The following CSNK1G1 variants were observed in gnomAD, a reference collection of about 807,000 sequenced individuals.
CSNK1G1 encodes casein kinase I isoform gamma-1.
CSNK1G1 carries 22 observed loss-of-function variants against 59.6 expected under a neutral mutation model. That is an observed-to-expected ratio of 0.37 (90% CI 0.26 to 0.53). CSNK1G1 has a LOEUF of 0.53. Ranked by LOEUF, CSNK1G1 falls within the 20% of genes least tolerant of loss-of-function variation. CSNK1G1 has a pLI of 0.89. For synonymous variants in CSNK1G1, 179 were observed against 177.1 expected (o/e 1.01, Z -0.08); for missense variants, 384 against 519.5 (o/e 0.74, Z 2.54).
At chr15:64,327,312 C>T (rs940140060) in intron 1 of CSNK1G1, among the ~76,000 whole-genome samples, 8 of 148,534 alleles carry the variant, frequency 5.4e-5, no homozygotes, top group South Asian at 4.3e-4. Flanking sequence ...TCTCCCAGCA[C>T]GCAGCTGGAG....
intron 1 of CSNK1G1, among the ~76,000 whole-genome samples, chr15:64,320,555 T>C (rs1896504226): frequency 6.6e-6 from 1 of 151,722 alleles, no homozygotes; most frequent in African/African-American, 2.4e-5. Flanking sequence ...GGCAAGTGCC[T>C]GTAATCCCAG....
At chr15:64,314,058 C>G (rs1182452201) in intron 1 of CSNK1G1, among the ~76,000 whole-genome samples, 1 of 152,064 alleles carries the variant, frequency 6.6e-6, no homozygotes, top group Non-Finnish European at 1.5e-5. Context: ...TGCTACATAT[C>G]AAAGATCTGC....
chr15:64,321,860 T>C (rs1344435757), intron 1 of CSNK1G1, among the ~76,000 whole-genome samples: 1 of 152,242 alleles, frequency 6.6e-6, no homozygotes, highest in Non-Finnish European at 1.5e-5. Context: ...GTTACAGTTA[T>C]GATTTGGGAC....
intron 4 of CSNK1G1, among the ~76,000 whole-genome samples, chr15:64,223,899 T>C (rs2082422959): frequency 6.6e-6 from 1 of 152,198 alleles, no homozygotes; most frequent in African/African-American, 2.4e-5. Flanking sequence ...TTGAGTCAAA[T>C]ACACCAATTC....
At chr15:64,183,671 A>C (rs1471033505) in intron 10 of CSNK1G1, among the ~76,000 whole-genome samples, 1 of 152,202 alleles carries the variant, frequency 6.6e-6, no homozygotes, top group Non-Finnish European at 1.5e-5. Flanking sequence ...TAAATTTTAA[A>C]GAATTAAAAA....
chr15:64,262,210 G>A (rs1397277785), intron 2 of CSNK1G1, among the ~76,000 whole-genome samples: 2 of 152,142 alleles, frequency 1.3e-5, no homozygotes, highest in Admixed American at 6.5e-5. Flanking sequence ...ACCCTTCATA[G>A]ACTGTATTCT....
chr15:64,220,832 G>A (rs1395142469), intron 4 of CSNK1G1, among the ~76,000 whole-genome samples: 1 of 152,156 alleles, frequency 6.6e-6, no homozygotes, highest in Non-Finnish European at 1.5e-5. Flanking sequence ...GGGATTACAG[G>A]CATGAGCCTC....
At chr15:64,224,904 G>A (rs2082437056) in intron 4 of CSNK1G1, among the ~76,000 whole-genome samples, 1 of 152,010 alleles carries the variant, frequency 6.6e-6, no homozygotes, top group African/African-American at 2.4e-5. Context: ...CCTTAAAGCA[G>A]GCTTAACATT....
chr15:64,238,449 C>T (rs1298187761), intron 4 of CSNK1G1, among the ~76,000 whole-genome samples: 4 of 136,712 alleles, frequency 2.9e-5, no homozygotes, highest in East Asian at 2.1e-4. Context: ...GCTATGATCA[C>T]GCCACTACAC....
At chr15:64,319,794 G>A (rs1447173043) in intron 1 of CSNK1G1, among the ~76,000 whole-genome samples, 3 of 151,954 alleles carry the variant, frequency 2.0e-5, no homozygotes, top group Non-Finnish European at 2.9e-5. Flanking sequence ...CAGGCAATCC[G>A]CTATCATGCT....
At position 64,171,828 on chromosome 15, in the gene CSNK1G1, C is replaced by T. The variant is rs2081669611; in HGVS notation, c.*103G>A. Reference sequence around the variant, plus strand: ...TTTTCTTCTTTTTGGTTTGGATATCCACCCTCCCCCAAAGAGGAGTCCCTT... The same window carrying T: ...TTTTCTTCTTTTTGGTTTGGATATCTACCCTCCCCCAAAGAGGAGTCCCTT... On this transcript the variant is annotated 3_prime_UTR_variant, in exon 12 of 12. Transcript: ENST00000303052. The surrounding 1 kb of genome is among the most constrained non-coding windows in gnomAD (Gnocchi z 4.8). 1.9e-6 allele frequency: 2 copies of T among 1,037,178 alleles called. No individual in the cohort carries two copies. The highest frequency in any genetic ancestry group is 1.3e-5 in the South Asian group (1 of 78,362). 64.2% of individuals were successfully genotyped at this position (1,037,178 alleles called of 1,614,324 possible). A position where few individuals can be genotyped will look rare whatever the true frequency, so the allele number is the denominator to read the frequency against.
At chr15:64,282,328 A>G (rs913202567) in intron 2 of CSNK1G1, among the ~76,000 whole-genome samples, 2 of 152,048 alleles carry the variant, frequency 1.3e-5, no homozygotes, top group African/African-American at 4.8e-5. Flanking sequence ...GTACAGTGGT[A>G]CGATCTCAGC....
chr15:64,300,165 T>A (rs1279164198), intron 2 of CSNK1G1, among the ~76,000 whole-genome samples, 154 bp downstream of exon 2: 1 of 152,182 alleles, frequency 6.6e-6, no homozygotes, highest in Non-Finnish European at 1.5e-5. Flanking sequence ...TAATTGATAA[T>A]GACTATAGTG....
intron 2 of CSNK1G1, among the ~76,000 whole-genome samples, chr15:64,294,441 T>C (rs186697956): frequency 6.6e-6 from 1 of 152,292 alleles, no homozygotes; most frequent in African/African-American, 2.4e-5. Flanking sequence ...ATTTTTGAGC[T>C]GTAGAAAATT....
At chr15:64,182,481 T>C (rs2081832493) in intron 10 of CSNK1G1, among the ~76,000 whole-genome samples, 1 of 152,184 alleles carries the variant, frequency 6.6e-6, no homozygotes, top group African/African-American at 2.4e-5. Flanking sequence ...ATGAGGCATA[T>C]TGCATTGGTT....
At chr15:64,282,802 A>G (rs1203894624) in intron 2 of CSNK1G1, among the ~76,000 whole-genome samples, 1 of 152,092 alleles carries the variant, frequency 6.6e-6, no homozygotes, top group South Asian at 2.1e-4. Flanking sequence ...AGATTTCTAC[A>G]CTTCCCCCCT....
rs1894622663 is a variant in CSNK1G1 at position 64,289,566 on chromosome 15, A to G, written c.181+10753T>C. Among the ~76,000 whole-genome samples the G allele has an allele frequency of 2.0e-5, 3 of 152,298 alleles. No homozygotes were observed. The South Asian group carries it at 6.2e-4, about 32-fold the overall frequency. Reference sequence around the variant, plus strand: ...CAAGAAAATTAAAATGCACAACAAAAACAAAATAGACAAATGGGACTTAAT... The same window carrying G: ...CAAGAAAATTAAAATGCACAACAAAGACAAAATAGACAAATGGGACTTAAT... On this transcript the variant is annotated intron_variant, in intron 2 of 11. Transcript: ENST00000303052.
chr15:64,351,070 A>G (rs946414237), intron 1 of CSNK1G1, among the ~76,000 whole-genome samples: 2 of 152,174 alleles, frequency 1.3e-5, no homozygotes, highest in Admixed American at 1.3e-4. Flanking sequence ...TTCTATCAAT[A>G]TGTAGTACTA....
intron 10 of CSNK1G1, among the ~76,000 whole-genome samples, chr15:64,191,656 C>G (rs532792939): frequency 6.6e-6 from 1 of 152,278 alleles, no homozygotes; most frequent in South Asian, 2.1e-4. Context: ...TCTCCATTCT[C>G]AAAGCAATAT....
Sources: allele counts gnomAD v4.1 joint callset (sites outside exome capture counted in the v4.1 genomes callset), GRCh38; gene constraint gnomAD v4.1.1; non-coding constraint Gnocchi (gnomAD v3.1); transcripts MANE v1.5; gene names NCBI Gene and HGNC (gene_info 2026-07-23, HGNC 2026-07-21).